LPIN1: variants seen among roughly 807,000 people sequenced by gnomAD.
LPIN1 encodes phosphatidate phosphatase LPIN1.
Under a neutral mutation model 107.5 loss-of-function variants are expected in LPIN1, and 71 were observed. The ratio of observed to expected loss-of-function variants is 0.66; its 90% CI spans 0.55 to 0.80. The LOEUF (loss-of-function observed/expected upper bound fraction) is 0.80, where lower values mean the gene tolerates loss of function less well. Ranked by LOEUF, LPIN1 falls within the 30% of genes least tolerant of loss-of-function variation. The pLI is 0.00. For missense variants in LPIN1, 1,043 were observed against 1,160.6 expected (o/e 0.90, Z 1.47); for synonymous variants, 445 against 452.6 (o/e 0.98, Z 0.21).
At chr2:11,781,111 T>TATGA (rs1379565653) in intron 7 of LPIN1, among the ~76,000 whole-genome samples, 2 of 152,338 alleles carry the variant, frequency 1.3e-5, no homozygotes, top group South Asian at 2.1e-4. Flanking sequence ...ATGTTTGTAA[T>TATGA]ATGAATGAAT....
chr2:11,809,360 T>C (rs1201343081), intron 17 of LPIN1, among the ~76,000 whole-genome samples: 1 of 152,174 alleles, frequency 6.6e-6, no homozygotes, highest in Non-Finnish European at 1.5e-5. Flanking sequence ...GGGGTCTAGG[T>C]ATGCGGTGTC....
Position 11,765,687 on chromosome 2 carries a change from A to G in LPIN1, c.146A>G (p.His49Arg). Reference protein sequence around the residue: ...PNGNLQCSPFHVRFGKMGVLR... With the variant: ...PNGNLQCSPFRVRFGKMGVLR... The stretch of plus-strand genomic sequence containing the variant: ...GGAAACCTCCAATGCTCCCCTTTCC[A>G]CGTCCGCTTTGGGAAGATGGGGGTC... The change falls in exon 2 of 21, where the codon CAC (histidine) becomes CGC (arginine). Residue 49 changes from histidine to arginine, a missense_variant. Coordinates refer to ENST00000674199, the MANE Select transcript of LPIN1 (RefSeq NM_001349206.2). This position sits in a 1 kb window ranked among gnomAD's most constrained non-coding sequence, Gnocchi z 4.4. 2 of 1,613,272 alleles carry G rather than the reference A, an allele frequency of 1.2e-6. No homozygotes were observed. The highest frequency in any genetic ancestry group is 8.5e-7 in the Non-Finnish European group (1 of 1,179,410).
chr2:11,768,922 C>G (rs866659032), intron 3 of LPIN1, among the ~76,000 whole-genome samples: 3 of 151,830 alleles, frequency 2.0e-5, no homozygotes, highest in African/African-American at 4.8e-5. Flanking sequence ...GGTGTCAGAG[C>G]GAGGCTCTGT....
chr2:11,689,441 A>G (rs911598811), intron 1 of LPIN1, among the ~76,000 whole-genome samples: 1 of 152,210 alleles, frequency 6.6e-6, no homozygotes, highest in Non-Finnish European at 1.5e-5. Context: ...TATCCAACAT[A>G]CTGATTTTGT....
intron 1 of LPIN1, among the ~76,000 whole-genome samples, chr2:11,737,934 T>C (rs113703189): frequency 0.25 from 38,225 of 152,060 alleles, 7,149 homozygotes; most frequent in African/African-American, 0.53. Flanking sequence ...GACACATGCA[T>C]ATGTATGTTT....
At chr2:11,694,392 C>A (rs1449769522) in intron 1 of LPIN1, among the ~76,000 whole-genome samples, 1 of 152,178 alleles carries the variant, frequency 6.6e-6, no homozygotes, top group African/African-American at 2.4e-5. Context: ...CCTTCTTCTT[C>A]CTTGACTCTT....
intron 1 of LPIN1, among the ~76,000 whole-genome samples, chr2:11,751,658 C>G (rs1374802619): frequency 1.3e-5 from 2 of 152,190 alleles, no homozygotes; most frequent in African/African-American, 4.8e-5. Context: ...CAAGACCATC[C>G]TGGCTAACAT....
At chr2:11,706,420 AG>A (rs1239502438) in intron 1 of LPIN1, among the ~76,000 whole-genome samples, 1 of 152,228 alleles carries the variant, frequency 6.6e-6, no homozygotes, top group Admixed American at 6.5e-5. Flanking sequence ...GTTGGAATTA[AG>A]GTTACTCATC....
At chr2:11,768,673 AC>A (rs1441265601) in intron 3 of LPIN1, among the ~76,000 whole-genome samples, 1 of 151,998 alleles carries the variant, frequency 6.6e-6, no homozygotes, top group African/African-American at 2.4e-5. Context: ...ATGGTGGCTC[AC>A]GCCTGTAATC....
At chr2:11,685,997 A>G (rs953184512) in intron 1 of LPIN1, among the ~76,000 whole-genome samples, 11 of 152,230 alleles carry the variant, frequency 7.2e-5, no homozygotes, top group African/African-American at 2.6e-4. Flanking sequence ...GCCTTGTGTA[A>G]GTGCAGCCTT....
intron 1 of LPIN1, among the ~76,000 whole-genome samples, chr2:11,699,442 G>C (rs528730990): frequency 3.3e-5 from 5 of 152,092 alleles, no homozygotes; most frequent in African/African-American, 9.7e-5. Context: ...AGTCCCTGGG[G>C]GGGGCGTGCG....
At chr2:11,764,093 TATATATATATAC>T in intron 1 of LPIN1, 1 of 123,794 alleles carries the variant, frequency 8.1e-6, no homozygotes, top group South Asian at 2.7e-4. Context: ...TATATATATA[TATATATATATAC>T]ACACACACAC....
At chr2:11,807,866 G>C (rs1307426628) in intron 17 of LPIN1, among the ~76,000 whole-genome samples, 1 of 152,112 alleles carries the variant, frequency 6.6e-6, no homozygotes, top group Non-Finnish European at 1.5e-5. Flanking sequence ...GGAGGTGCCA[G>C]CTCCTTGATG....
At chr2:11,811,493 G>A (rs1679640754) in intron 17 of LPIN1, among the ~76,000 whole-genome samples, 1 of 152,194 alleles carries the variant, frequency 6.6e-6, no homozygotes, top group South Asian at 2.1e-4. Context: ...AGGCAAGAAG[G>A]CTGGCATGCT....
At chr2:11,812,002 A>T (rs369904917) in intron 17 of LPIN1, among the ~76,000 whole-genome samples, 124 of 152,368 alleles carry the variant, frequency 8.1e-4, no homozygotes, top group African/African-American at 2.8e-3. Context: ...AGAAAAAAAA[A>T]GAAATTTTTA....
intron 1 of LPIN1, among the ~76,000 whole-genome samples, chr2:11,691,947 C>T (rs775394884): frequency 1.9e-4 from 29 of 152,204 alleles, no homozygotes; most frequent in African/African-American, 6.8e-4. Flanking sequence ...ACCTACAATG[C>T]GAGTGTGTGT....
At chr2:11,779,305 C>T (rs907555687) in intron 6 of LPIN1, among the ~76,000 whole-genome samples, 2 of 152,188 alleles carry the variant, frequency 1.3e-5, no homozygotes, top group African/African-American at 4.8e-5. Context: ...CACCAGGCGG[C>T]AGGGTGGGGC....
At chr2:11,778,693 G>A (rs1408530887) in intron 6 of LPIN1, among the ~76,000 whole-genome samples, 1 of 152,220 alleles carries the variant, frequency 6.6e-6, no homozygotes, top group African/African-American at 2.4e-5. Flanking sequence ...AATTAACCAT[G>A]TTATTATGCG....
intron 9 of LPIN1, chr2:11,784,409 C>T (rs770911814): frequency 2.0e-5 from 22 of 1,112,048 alleles, no homozygotes; most frequent in South Asian, 2.4e-5. Flanking sequence ...TACTGGGCGG[C>T]GCCCCACCTC....
Sources: allele counts gnomAD v4.1 joint callset (sites outside exome capture counted in the v4.1 genomes callset), GRCh38; gene constraint gnomAD v4.1.1; non-coding constraint Gnocchi (gnomAD v3.1); transcripts MANE v1.5; gene names NCBI Gene and HGNC (gene_info 2026-07-23, HGNC 2026-07-21).